PCDHGB1: variants seen among roughly 807,000 people sequenced by gnomAD.
PCDHGB1 encodes protocadherin gamma subfamily B, 1, also known as protocadherin gamma-B1.
A neutral mutation model predicts 56.6 loss-of-function variants in PCDHGB1; 34 were observed. The observed-to-expected ratio is 0.60, with a 90% CI of 0.46 to 0.80. The LOEUF (loss-of-function observed/expected upper bound fraction) is 0.80. Ranked by LOEUF, PCDHGB1 falls within the 30% of genes least tolerant of loss-of-function variation. The pLI is 0.00. For synonymous variants in PCDHGB1, 561 were observed against 505.9 expected (o/e 1.11, Z -1.46); for missense variants, 1,278 against 1,204.6 (o/e 1.06, Z -0.90).
rs1030000451 is a variant in PCDHGB1, at chr5:141,432,417, T to G, written c.2410-62390T>G. 2.5e-6 allele frequency: 4 copies of G among 1,614,124 alleles called. No individual in the cohort carries two copies. In the African/African-American group the frequency reaches 5.3e-5, roughly 22 times the overall value. On this transcript the variant is annotated intron_variant, in intron 1 of 3. Coordinates refer to ENST00000523390, the MANE Select transcript of PCDHGB1 (RefSeq NM_018922.3). This position sits in a 1 kb window ranked among gnomAD's most constrained non-coding sequence, Gnocchi z 6.0. The stretch of plus-strand genomic sequence containing the variant: ...AACGTGTCGTTGAGCCTGTTCGTGC[T>G]GGACCAGAACGACAATGCGCCCGAG...
chr5:141,399,202 G>T, intron 1 of PCDHGB1: 1 of 1,613,914 alleles, frequency 6.2e-7, no homozygotes, highest in Non-Finnish European at 8.5e-7. Context: ...CGCGGTGCCT[G>T]GAACACTAAT....
At chr5:141,410,366 G>A (rs3749767) in intron 1 of PCDHGB1, 379,797 of 1,613,758 alleles carry the variant, frequency 0.24, 48,670 homozygotes, top group African/African-American at 0.5. Context: ...TCTCAGCCCT[G>A]CTACTTGGGA....
At chr5:141,378,050 A>C (rs1339661342) in intron 1 of PCDHGB1, 2 of 152,190 alleles carry the variant, frequency 1.3e-5, no homozygotes, top group Admixed American at 1.3e-4. Context: ...TTCCTTATCT[A>C]TCTGACTCAA....
chr5:141,387,727 C>T, intron 1 of PCDHGB1: 3 of 1,216,044 alleles, frequency 2.5e-6, no homozygotes, highest in South Asian at 3.2e-5. Context: ...CTCCCCAGCG[C>T]CAGCCTTTAC....
At chr5:141,497,500 T>G (rs1468175808) in intron 2 of PCDHGB1, among the ~76,000 whole-genome samples, 2 of 151,562 alleles carry the variant, frequency 1.3e-5, no homozygotes, top group Non-Finnish European at 2.9e-5. Context: ...CTCTCTCCTC[T>G]CTCTGCTTCC....
At chr5:141,464,759 ACAGG>A (rs2099090169) in intron 1 of PCDHGB1, among the ~76,000 whole-genome samples, 1 of 152,158 alleles carries the variant, frequency 6.6e-6, no homozygotes, top group Non-Finnish European at 1.5e-5. Context: ...TTTTTTAGAG[ACAGG>A]AATCTTGTTC....
rs747481541 is a variant in PCDHGB1 at position 141,356,652 on chromosome 5, T to A, written c.2409+3983T>A. On this transcript the variant is annotated intron_variant, in intron 1 of 3. Transcript: ENST00000523390. ...CTCAAGACCCTGACAGTGGTGACAATGCCCGAATCACTTACTCCCTGGCCG... is the reference window on the plus strand; with the variant it reads ...CTCAAGACCCTGACAGTGGTGACAAAGCCCGAATCACTTACTCCCTGGCCG... 3.1e-6 allele frequency: 5 copies of A among 1,613,960 alleles called. No homozygotes were observed. The African/African-American group carries it at 5.3e-5, about 17-fold the overall frequency.
intron 3 of PCDHGB1, among the ~76,000 whole-genome samples, chr5:141,509,801 T>C (rs556629445): frequency 2.6e-5 from 4 of 152,140 alleles, no homozygotes; most frequent in South Asian, 2.1e-4. Flanking sequence ...CTCAGCTTCA[T>C]AGAGCCGAGC....
Position 141,352,085 on chromosome 5 carries a change from G to A in PCDHGB1, c.1825G>A (p.Glu609Lys), listed in dbSNP as rs774653294. The stretch of plus-strand genomic sequence containing the variant: ...GTCCTACCACGTGCTGCAGGCCAGC[G>A]AGCCCGGGCTCTTCAGCCTGGGGTT... ...WLSYHVLQASEPGLFSLGLRT... is the reference protein window; with the variant it reads ...WLSYHVLQASKPGLFSLGLRT... Residue 609 changes from glutamate (E) to lysine (K), a missense_variant, in exon 1 of 4, where the codon GAG (glutamate) becomes AAG (lysine). Physicochemically the swap from Glu to Lys is moderately conservative, Grantham distance 56 (BLOSUM62 1). Coordinates refer to ENST00000523390, the MANE Select transcript of PCDHGB1 (RefSeq NM_018922.3). The A allele has an allele frequency of 6.2e-7, 1 of 1,604,862 alleles. No individual in the cohort carries two copies. The highest frequency in any genetic ancestry group is 8.5e-7 in the Non-Finnish European group (1 of 1,176,448).
At chr5:141,365,347 C>A (rs762446364) in intron 1 of PCDHGB1, 3 of 1,613,946 alleles carry the variant, frequency 1.9e-6, no homozygotes, top group Admixed American at 3.3e-5. Context: ...CAGTACAGGA[C>A]GTGAATGACA....
chr5:141,502,282 C>A (rs187281689), intron 2 of PCDHGB1, among the ~76,000 whole-genome samples: 1 of 151,848 alleles, frequency 6.6e-6, no homozygotes, highest in Non-Finnish European at 1.5e-5. Flanking sequence ...GCATAGATTG[C>A]ATTTGGTTGT....
intron 1 of PCDHGB1, chr5:141,430,452 A>G (rs566189732): frequency 2.0e-3 from 408 of 202,442 alleles, no homozygotes; most frequent in South Asian, 3.8e-3. Context: ...CCTTTTGAAG[A>G]ACAGTAGGTG....
chr5:141,356,928 G>A, intron 1 of PCDHGB1: 1 of 1,614,206 alleles, frequency 6.2e-7, no homozygotes, highest in Non-Finnish European at 8.5e-7. Flanking sequence ...CTGGTGTGGA[G>A]CTGGCACCCC....
intron 1 of PCDHGB1, chr5:141,405,001 C>A: frequency 1.9e-6 from 3 of 1,614,008 alleles, no homozygotes; most frequent in Non-Finnish European, 2.5e-6. Flanking sequence ...TCCCTGCAGA[C>A]CTGGAGGCCT....
Position 141,487,623 on chromosome 5 carries a change from CT to C in PCDHGB1, c.2410-7181del. 1 of 1,614,206 alleles carries C rather than the reference CT, an allele frequency of 6.2e-7. No homozygotes were observed. Among genetic ancestry groups the C allele is most frequent in the Non-Finnish European group, 8.5e-7 (1 of 1,180,044 alleles). On this transcript the variant is annotated intron_variant, in intron 1 of 3. Transcript: ENST00000523390. This position sits in a 1 kb window ranked among gnomAD's most constrained non-coding sequence, Gnocchi z 5.0. ...CTTCTCTATGGGCTAGAGGTGAGAC[CT>C]TTGCAGGCTCAACAAATGCTTGAGG...
chr5:141,426,718 C>G, intron 1 of PCDHGB1: 1 of 446,166 alleles, frequency 2.2e-6, no homozygotes, highest in Non-Finnish European at 4.6e-6. Flanking sequence ...AATGAACTAG[C>G]AATTCCAGGC....
rs909174523 is a variant in PCDHGB1 at position 141,474,102 on chromosome 5, A to AAAC, written c.2410-20695_2410-20693dup. 2.6e-5 allele frequency among the ~76,000 whole-genome samples: 4 copies of AAAC among 152,286 alleles called. No homozygotes were observed. In the East Asian group the frequency reaches 7.7e-4, roughly 29 times the overall value. ...AAAACCAAAAAACAAACAACAACAA[A>AAAC]AACAACAACAACGAAAATCTCAGAA... is the stretch of plus-strand genomic sequence containing the variant. On this transcript the variant is annotated intron_variant, in intron 1 of 3. Coordinates refer to ENST00000523390, the MANE Select transcript of PCDHGB1 (RefSeq NM_018922.3).
chr5:141,350,993 A>G lies in PCDHGB1; in HGVS notation c.733A>G (p.Arg245Gly), dbSNP rs762657865. 9.3e-6 allele frequency: 15 copies of G among 1,614,092 alleles called. No homozygotes were observed. In the South Asian group the frequency reaches 1.2e-4, roughly 13 times the overall value. ...NAPVFSQEVYRVSLQENVPWG... is the reference protein window; with the variant it reads ...NAPVFSQEVYGVSLQENVPWG... The stretch of plus-strand genomic sequence containing the variant: ...TCCCGTGTTTAGCCAGGAGGTATAC[A>G]GGGTTAGCCTCCAAGAAAACGTACC... The change falls in exon 1 of 4, where the codon AGG becomes GGG. Residue 245 changes from arginine to glycine, a missense_variant. By Grantham distance (125) the Arg-to-Gly change is moderately radical. Transcript: ENST00000523390.
At chr5:141,453,964 C>T (rs2098778500) in intron 1 of PCDHGB1, among the ~76,000 whole-genome samples, 1 of 152,296 alleles carries the variant, frequency 6.6e-6, no homozygotes, top group Non-Finnish European at 1.5e-5. Context: ...GACAGCAAAG[C>T]ATGTAGTTGT....
Sources: gnomAD v4.1 joint callset for allele counts (sites outside exome capture counted in the v4.1 genomes callset) on GRCh38, gnomAD v4.1.1 for gene constraint, Gnocchi (gnomAD v3.1) non-coding constraint, MANE v1.5 for transcripts, NCBI Gene and HGNC (gene_info 2026-07-23, HGNC 2026-07-21) for gene names.